The following HDAC9 variants were observed in gnomAD, a reference collection of about 807,000 sequenced individuals.
HDAC9 encodes the protein histone deacetylase 9, also known as MEF-2 interacting transcription repressor (MITR) protein.
HDAC9 carries 41 observed loss-of-function variants against 139.4 expected under a neutral mutation model. That is an observed-to-expected ratio of 0.29 (90% confidence interval 0.23 to 0.38). HDAC9 has a LOEUF of 0.38. Ranked by LOEUF, HDAC9 falls within the 10% of genes least tolerant of loss-of-function variation. The pLI is 1.00. For missense variants in HDAC9, 1,147 were observed against 1,297.0 expected (o/e 0.88, Z 1.78); for synonymous variants, 517 against 476.2 (o/e 1.09, Z -1.12).
At chr7:18,144,481 C>G (rs1346805299) in intron 1 of HDAC9, among the ~76,000 whole-genome samples, 1 of 152,184 alleles carries the variant, frequency 6.6e-6, no homozygotes, top group African/African-American at 2.4e-5. Context: ...AACCCCACTC[C>G]TATTATTCTA....
At chr7:18,204,159 A>G (rs770126873) in intron 2 of HDAC9, among the ~76,000 whole-genome samples, 2 of 152,078 alleles carry the variant, frequency 1.3e-5, no homozygotes, top group African/African-American at 2.4e-5. Context: ...TAAAAATAAT[A>G]TATATTTTTT....
At chr7:18,391,763 A>C in intron 1 of HDAC9, among the ~76,000 whole-genome samples, 1 of 152,158 alleles carries the variant, frequency 6.6e-6, no homozygotes, top group East Asian at 1.9e-4. Context: ...TACACAGACA[A>C]TTTTGGGCAA....
intron 1 of HDAC9, among the ~76,000 whole-genome samples, chr7:18,485,223 G>A (rs1485360041): frequency 2.0e-5 from 3 of 152,062 alleles, no homozygotes; most frequent in Non-Finnish European, 4.4e-5. Context: ...TGTGAGTGTT[G>A]TTATCAAGCT....
chr7:18,213,205 G>T (rs147472901), intron 2 of HDAC9, among the ~76,000 whole-genome samples: 449 of 152,306 alleles, frequency 2.9e-3, no homozygotes, highest in Non-Finnish European at 4.8e-3. Context: ...TCATGGAACA[G>T]AGTACTGTTC....
intron 14 of HDAC9, among the ~76,000 whole-genome samples, chr7:18,758,805 G>A (rs62446602): frequency 7.6e-5 from 11 of 143,820 alleles, no homozygotes; most frequent in African/African-American, 2.6e-4. Flanking sequence ...TTTTTTTTTG[G>A]TACTGAATTA....
intron 1 of HDAC9, among the ~76,000 whole-genome samples, chr7:18,297,849 G>C (rs562776352): frequency 2.6e-5 from 4 of 152,110 alleles, no homozygotes; most frequent in Non-Finnish European, 4.4e-5. Flanking sequence ...ATAAGAAGTT[G>C]GTCTGGATAA....
At position 18,120,726 on chromosome 7, in the gene HDAC9, G is replaced by A. The variant is rs1050695603; in HGVS notation, c.-97+33513G>A. ...AAGCAGTGTGGGTGAAATACAAAGT[G>A]TATATTTAGACTTTAGTGTTGCTCA... On this transcript the variant is annotated intron_variant, in intron 1 of 12. Transcript: ENST00000417496. Among the ~76,000 whole-genome samples, 5 of 152,182 alleles carry A rather than the reference G, an allele frequency of 3.3e-5. No individual in the cohort carries two copies. In the East Asian group the frequency reaches 7.7e-4, roughly 23 times the overall value.
In HDAC9 at chr7:18,254,654, C is replaced by A. The variant is rs182731898; in HGVS notation, c.25+92305C>A. Among the ~76,000 whole-genome samples the A allele has an allele frequency of 3.9e-5, 6 of 152,210 alleles. No individual in the cohort carries two copies. The East Asian group carries it at 9.7e-4, about 24-fold the overall frequency. ...TAGCTGAGTAATTGTTCAAAAATAG[C>A]AGGTTATTTTGAGGTAGAACATATG... On this transcript the variant is annotated intron_variant, in intron 2 of 12. Coordinates refer to the HDAC9 transcript ENST00000417496.
At chr7:18,191,356 G>A (rs1389930870) in intron 2 of HDAC9, among the ~76,000 whole-genome samples, 1 of 152,120 alleles carries the variant, frequency 6.6e-6, no homozygotes, top group African/African-American at 2.4e-5. Flanking sequence ...GTAAGCACTG[G>A]ATGAAATAAT....
At chr7:18,432,883 G>A (rs1019937798) in intron 1 of HDAC9, among the ~76,000 whole-genome samples, 3 of 151,772 alleles carry the variant, frequency 2.0e-5, no homozygotes, top group African/African-American at 4.8e-5. Flanking sequence ...CCCGGGAGGC[G>A]GAGCTTGCAG....
chr7:18,507,693 A>T (rs1453433176), intron 2 of HDAC9, among the ~76,000 whole-genome samples: 2 of 151,972 alleles, frequency 1.3e-5, no homozygotes, highest in Non-Finnish European at 2.9e-5. Context: ...GTTTCTTCAC[A>T]TTGGTCAGGC....
intron 2 of HDAC9, among the ~76,000 whole-genome samples, chr7:18,212,205 A>T (rs1296567938): frequency 6.6e-6 from 1 of 152,210 alleles, no homozygotes; most frequent in African/African-American, 2.4e-5. Flanking sequence ...TTAAATTAGA[A>T]GAAAAAATCT....
chr7:18,202,694 C>T (rs192108631), intron 2 of HDAC9, among the ~76,000 whole-genome samples: 5 of 152,210 alleles, frequency 3.3e-5, no homozygotes, highest in Admixed American at 2.0e-4. Context: ...ATTCTTTTTG[C>T]GTGAGCAGCT....
At chr7:18,406,372 T>C (rs1218537564) in intron 1 of HDAC9, among the ~76,000 whole-genome samples, 1 of 151,924 alleles carries the variant, frequency 6.6e-6, no homozygotes, top group African/African-American at 2.4e-5. Context: ...ATATTTCCCT[T>C]TTTTTCTTTT....
intron 1 of HDAC9, among the ~76,000 whole-genome samples, chr7:18,436,174 C>T (rs1022904329): frequency 1.3e-5 from 2 of 151,932 alleles, no homozygotes; most frequent in African/African-American, 2.4e-5. Flanking sequence ...TATGTATGTA[C>T]ACAACATACA....
chr7:18,976,876 C>T (rs780992913), intron 25 of HDAC9, among the ~76,000 whole-genome samples: 25 of 152,266 alleles, frequency 1.6e-4, no homozygotes, highest in Non-Finnish European at 2.8e-4. Flanking sequence ...AGACTCCCTC[C>T]GTCAATAACA....
At chr7:18,774,109 A>G (rs1790555365) in intron 16 of HDAC9, among the ~76,000 whole-genome samples, 1 of 152,058 alleles carries the variant, frequency 6.6e-6, no homozygotes, top group South Asian at 2.1e-4. Context: ...AGAAAAACCC[A>G]TAGCTTCTGA....
intron 2 of HDAC9, among the ~76,000 whole-genome samples, chr7:18,246,848 A>T (rs1794575366): frequency 2.0e-5 from 3 of 152,090 alleles, no homozygotes; most frequent in African/African-American, 7.2e-5. Flanking sequence ...AGGTGAGAGG[A>T]GATAATGGCT....
intron 12 of HDAC9, chr7:18,668,290 G>A (rs1182512676): frequency 1.0e-6 from 1 of 958,620 alleles, no homozygotes; most frequent in Non-Finnish European, 1.2e-6. Context: ...AACATATTTT[G>A]GTTAGTATAT....
Sources: gnomAD v4.1 joint callset for allele counts (sites outside exome capture counted in the v4.1 genomes callset) on GRCh38, gnomAD v4.1.1 for gene constraint, MANE v1.5 for transcripts, NCBI Gene and HGNC (gene_info 2026-07-23, HGNC 2026-07-21) for gene names.